Variants in MAML2 observed in about 807,000 individuals in gnomAD.
MAML2 encodes mastermind like transcriptional coactivator 2, also known as mastermind-like protein 2.
Under a neutral mutation model 96.1 loss-of-function variants are expected in MAML2, and 22 were observed. The observed-to-expected ratio is 0.23, with a 90% CI of 0.16 to 0.33. The LOEUF (loss-of-function observed/expected upper bound fraction) is 0.33. Among genes scored for constraint, MAML2 ranks in the 10% least tolerant of loss-of-function variants. The probability of loss-of-function intolerance (pLI) is 1.00; values close to 1 mark genes in which losing one functional copy is unlikely to be tolerated. For missense variants in MAML2, 1,367 were observed against 1,392.4 expected (o/e 0.98, Z 0.29); for synonymous variants, 561 against 521.3 (o/e 1.08, Z -1.04).
intron 1 of MAML2, among the ~76,000 whole-genome samples, chr11:96,288,231 G>A (rs548256059): frequency 6.6e-6 from 1 of 152,292 alleles, no homozygotes; most frequent in East Asian, 1.9e-4. Flanking sequence ...ACTTGAAGCT[G>A]GATATCTGCT....
chr11:95,979,685 G>A lies in MAML2; in HGVS notation c.2734C>T (p.Pro912Ser), dbSNP rs1857705474. The A allele has an allele frequency of 1.9e-6, 3 of 1,613,828 alleles. No individual in the cohort carries two copies. The highest frequency in any genetic ancestry group is 1.1e-5 in the South Asian group (1 of 91,076). Residue 912 changes from proline (P) to serine (S), a missense_variant, in exon 5 of 5, where the codon CCT becomes TCT. Physicochemically the swap from Pro to Ser is moderately conservative, Grantham distance 74. Transcript: ENST00000524717. ...NQNNPMMPRP[P>S]TLGPSNNNNV... ...TTATTATTACTTGGCCCTAAGGTAG[G>A]TGGCCGTGGCATCATAGGGTTGTTT... is the stretch of plus-strand genomic sequence containing the variant.
intron 1 of MAML2, among the ~76,000 whole-genome samples, chr11:96,137,944 T>C (rs1860663419): frequency 6.6e-6 from 1 of 152,146 alleles, no homozygotes; most frequent in Non-Finnish European, 1.5e-5. Context: ...CCCACAATAT[T>C]CCTGTATCCA....
chr11:96,298,689 ATATGTGTG>A (rs1863335378), intron 1 of MAML2, among the ~76,000 whole-genome samples: 1 of 149,524 alleles, frequency 6.7e-6, no homozygotes, highest in Admixed American at 6.7e-5. Context: ...TTTTCTATGT[ATATGTGTG>A]TATGTGTGTA....
chr11:96,081,514 T>TA (rs141266347), intron 2 of MAML2, among the ~76,000 whole-genome samples: 6 of 150,408 alleles, frequency 4.0e-5, no homozygotes, highest in Non-Finnish European at 4.4e-5. Flanking sequence ...TTCATATATT[T>TA]AAAAAAAAAA....
At chr11:96,215,360 G>T (rs540951238) in intron 1 of MAML2, among the ~76,000 whole-genome samples, 1 of 152,180 alleles carries the variant, frequency 6.6e-6, no homozygotes, top group African/African-American at 2.4e-5. Flanking sequence ...TTTAACACCA[G>T]CATATAACAC....
chr11:96,248,636 T>C (rs577080102), intron 1 of MAML2, among the ~76,000 whole-genome samples: 127 of 152,240 alleles, frequency 8.3e-4, no homozygotes, highest in African/African-American at 2.9e-3. Flanking sequence ...CCCCCTCTAA[T>C]TGGATCATTC....
rs548527972 is a variant in MAML2, at chr11:96,291,286, C to T, written c.513+50097G>A. On this transcript the variant is annotated intron_variant, in intron 1 of 4. Coordinates refer to ENST00000524717, the MANE Select transcript of MAML2 (RefSeq NM_032427.4). The stretch of plus-strand genomic sequence containing the variant: ...GACTACAGGCACCCACCACCTCACC[C>T]GGCTAATTTTTGTATTTTTAGTAGA... Among the ~76,000 whole-genome samples the T allele has an allele frequency of 2.4e-3, 370 of 151,882 alleles. 1 individual carries two copies. Among genetic ancestry groups the T allele is most frequent in the Middle Eastern group, 0.017 (5 of 294 alleles).
At chr11:96,268,112 A>G (rs1862856656) in intron 1 of MAML2, among the ~76,000 whole-genome samples, 1 of 152,212 alleles carries the variant, frequency 6.6e-6, no homozygotes, top group South Asian at 2.1e-4. Flanking sequence ...GTTTGATGCT[A>G]TAATGGTATT....
chr11:96,089,568 A>G (rs1381189247), intron 2 of MAML2, among the ~76,000 whole-genome samples: 1 of 152,230 alleles, frequency 6.6e-6, no homozygotes, highest in African/African-American at 2.4e-5. Flanking sequence ...AGAAAATTCT[A>G]TAGCTGTATT....
chr11:96,053,014 A>G (rs1224916030), intron 2 of MAML2, among the ~76,000 whole-genome samples: 1 of 152,222 alleles, frequency 6.6e-6, no homozygotes, highest in Non-Finnish European at 1.5e-5. Context: ...AACAAACCAG[A>G]ACTCCATTCA....
intron 1 of MAML2, among the ~76,000 whole-genome samples, chr11:96,098,337 A>T (rs777226256): frequency 6.6e-6 from 1 of 152,350 alleles, no homozygotes; most frequent in East Asian, 1.9e-4. Flanking sequence ...AAATATGCAG[A>T]TGATTAAGCC....
At chr11:96,060,332 A>G (rs1259269807) in intron 2 of MAML2, among the ~76,000 whole-genome samples, 3 of 152,258 alleles carry the variant, frequency 2.0e-5, no homozygotes, top group African/African-American at 7.2e-5. Flanking sequence ...TATACCAAAC[A>G]GGATTCAATT....
At chr11:96,123,114 G>A (rs1202188496) in intron 1 of MAML2, among the ~76,000 whole-genome samples, 1 of 152,176 alleles carries the variant, frequency 6.6e-6, no homozygotes, top group African/African-American at 2.4e-5. Flanking sequence ...GCCCATGTCT[G>A]TTTCTCTCAC....
intron 2 of MAML2, among the ~76,000 whole-genome samples, chr11:96,042,125 C>T (rs998800790): frequency 2.6e-5 from 4 of 152,044 alleles, no homozygotes; most frequent in Admixed American, 6.6e-5. Flanking sequence ...TACAGGCGCC[C>T]GCCACCATGC....
intron 2 of MAML2, among the ~76,000 whole-genome samples, chr11:96,010,213 A>G (rs569291851): frequency 5.9e-5 from 9 of 152,344 alleles, no homozygotes; most frequent in Non-Finnish European, 1.0e-4. Flanking sequence ...ATGGATACAT[A>G]TTTAAACATA....
intron 2 of MAML2, among the ~76,000 whole-genome samples, chr11:96,087,674 C>G (rs1859639417): frequency 6.6e-6 from 1 of 152,144 alleles, no homozygotes; most frequent in Admixed American, 6.5e-5. Flanking sequence ...AATTTTGTTT[C>G]TCAGCTTTTT....
intron 1 of MAML2, among the ~76,000 whole-genome samples, chr11:96,198,540 C>A (rs1861764059): frequency 6.6e-6 from 1 of 152,110 alleles, no homozygotes; most frequent in South Asian, 2.1e-4. Context: ...TCCTCACAAC[C>A]ATTCTGGTAA....
chr11:96,331,904 A>G (rs973411720), intron 1 of MAML2, among the ~76,000 whole-genome samples: 12 of 152,090 alleles, frequency 7.9e-5, no homozygotes. Context: ...ACAACTCTAT[A>G]AATTGCAGAA....
intron 1 of MAML2, among the ~76,000 whole-genome samples, chr11:96,229,960 G>A (rs1862268892): frequency 6.6e-6 from 1 of 152,156 alleles, no homozygotes; most frequent in Non-Finnish European, 1.5e-5. Context: ...AAAGTACTAT[G>A]TTTGGTATGC....
Sources: allele counts gnomAD v4.1 joint callset (sites outside exome capture counted in the v4.1 genomes callset), GRCh38; gene constraint gnomAD v4.1.1; transcripts MANE v1.5; gene names NCBI Gene and HGNC (gene_info 2026-07-23, HGNC 2026-07-21).